GPHN: variants seen among roughly 807,000 people sequenced by gnomAD.
GPHN encodes the protein gephyrin.
In GPHN, 17 loss-of-function variants were observed where a neutral mutation model predicts 95.5. That is an observed-to-expected ratio of 0.18 (90% CI 0.12 to 0.27). The LOEUF (loss-of-function observed/expected upper bound fraction) is 0.27. Ranked by LOEUF, GPHN falls within the 10% of genes least tolerant of loss-of-function variation. GPHN has a pLI of 1.00. For synonymous variants in GPHN, 320 were observed against 322.5 expected (o/e 0.99, Z 0.08); for missense variants, 660 against 978.1 (o/e 0.67, Z 4.34).
chr14:67,684,978 A>G, the GPHN span: 1 of 1,549,890 alleles, frequency 6.5e-7, no homozygotes, highest in East Asian at 2.3e-5. Context: ...TCCTTTGAGC[A>G]ATAAATCTCA....
At chr14:67,692,886 G>A in the GPHN span, 2 of 1,232,092 alleles carry the variant, frequency 1.6e-6, no homozygotes, top group South Asian at 1.3e-5. Context: ...ATTACTGTGA[G>A]GGGTAAAACA....
In GPHN at chr14:66,974,904, C is replaced by CT. The variant is rs552705803; in HGVS notation, c.963+9580dup. Reference sequence around the variant, plus strand: ...ACTTCACCTCTATAACCTTAATTATCTCATCTGTAAAATGAAAAATAATGA... The same window carrying CT: ...ACTTCACCTCTATAACCTTAATTATCTTCATCTGTAAAATGAAAAATAATGA... On this transcript the variant is annotated intron_variant, in intron 9 of 22. Coordinates refer to ENST00000478722, the MANE Select transcript of GPHN (RefSeq NM_020806.5). 9.9e-5 allele frequency among the ~76,000 whole-genome samples: 15 copies of CT among 152,182 alleles called. No homozygotes were observed. The South Asian group carries it at 3.1e-3, about 32-fold the overall frequency.
At chr14:67,317,804 C>T in the GPHN span, among the ~76,000 whole-genome samples, 1 of 152,200 alleles carries the variant, frequency 6.6e-6, no homozygotes, top group African/African-American at 2.4e-5. Flanking sequence ...TAGCTCATGT[C>T]ACAGAAGCAA....
the GPHN span, among the ~76,000 whole-genome samples, chr14:67,265,902 A>G: frequency 1.3e-5 from 2 of 151,748 alleles, no homozygotes. Context: ...AACCCAGGAC[A>G]TTTGCACTTG....
chr14:67,338,587 G>A, the GPHN span: 20 of 1,603,290 alleles, frequency 1.2e-5, no homozygotes, highest in Non-Finnish European at 1.4e-5. Context: ...TGAAGCCAGT[G>A]TTAGGGTTTC....
the GPHN span, chr14:67,600,379 T>C: frequency 3.6e-5 from 20 of 556,398 alleles, no homozygotes; most frequent in Non-Finnish European, 2.1e-5. Flanking sequence ...TGTGCGTTCT[T>C]CCGGGCCGGC....
the GPHN span, among the ~76,000 whole-genome samples, chr14:67,491,723 A>G: frequency 6.6e-6 from 1 of 152,156 alleles, no homozygotes; most frequent in Non-Finnish European, 1.5e-5. Flanking sequence ...CAGAACAACC[A>G]CTTTTACTTA....
intron 1 of GPHN, among the ~76,000 whole-genome samples, chr14:66,639,330 G>T (rs892033002): frequency 2.6e-5 from 4 of 152,070 alleles, no homozygotes; most frequent in African/African-American, 4.8e-5. Context: ...TTTTGATGAT[G>T]TCAGTTCAAG....
At chr14:67,487,454 G>A in the GPHN span, among the ~76,000 whole-genome samples, 1 of 152,140 alleles carries the variant, frequency 6.6e-6, no homozygotes, top group Non-Finnish European at 1.5e-5. Flanking sequence ...ATCTGAGAGG[G>A]GATATAATTT....
chr14:67,316,760 T>C, the GPHN span: 7 of 1,264,996 alleles, frequency 5.5e-6, no homozygotes, highest in Non-Finnish European at 6.6e-6. Flanking sequence ...TGTTTTCCCT[T>C]CTTGATTAAA....
intron 1 of GPHN, among the ~76,000 whole-genome samples, chr14:66,577,050 C>T (rs761593690): frequency 8.5e-5 from 13 of 152,102 alleles, no homozygotes; most frequent in Non-Finnish European, 1.6e-4. Context: ...TCTATAGCAG[C>T]GCATCTGTAA....
chr14:67,180,705 C>A, intron 22 of GPHN, 99 bp from the exon 23 acceptor site: 1 of 1,164,434 alleles, frequency 8.6e-7, no homozygotes, highest in Non-Finnish European at 1.3e-6. Context: ...CTCTTGAAGA[C>A]CCGCATTTCT....
chr14:66,726,777 T>C (rs2071280387), intron 2 of GPHN, among the ~76,000 whole-genome samples: 1 of 152,218 alleles, frequency 6.6e-6, no homozygotes, highest in Non-Finnish European at 1.5e-5. Context: ...ATCTGAAATT[T>C]TTGAGTGCTG....
At chr14:66,586,017 G>T (rs950753839) in intron 1 of GPHN, among the ~76,000 whole-genome samples, 5 of 151,984 alleles carry the variant, frequency 3.3e-5, no homozygotes, top group Non-Finnish European at 7.4e-5. Context: ...TTATTGTGTG[G>T]GATTCTAAGT....
chr14:67,725,550 A>C, the GPHN span, among the ~76,000 whole-genome samples: 2 of 152,216 alleles, frequency 1.3e-5, no homozygotes, highest in East Asian at 3.9e-4. Context: ...TTTCATCCTG[A>C]GAATCAACCT....
At chr14:66,649,156 A>T (rs528653099) in intron 1 of GPHN, among the ~76,000 whole-genome samples, 19 of 152,188 alleles carry the variant, frequency 1.2e-4, no homozygotes, top group Non-Finnish European at 1.8e-4. Context: ...ACATGGTGAA[A>T]CCCTGTGTCT....
the GPHN span, chr14:67,385,455 AAC>A: frequency 3.5e-5 from 5 of 143,090 alleles, no homozygotes; most frequent in East Asian, 8.7e-4. Flanking sequence ...AAAAAAAAAA[AAC>A]CAAAAATCTT....
At chr14:66,710,780 T>C (rs1347986101) in intron 2 of GPHN, among the ~76,000 whole-genome samples, 1 of 152,222 alleles carries the variant, frequency 6.6e-6, no homozygotes, top group Non-Finnish European at 1.5e-5. Context: ...TGTGCCTCAC[T>C]TTCTACATCT....
intron 4 of GPHN, among the ~76,000 whole-genome samples, chr14:66,840,954 T>A (rs1195980404): frequency 6.8e-6 from 1 of 147,954 alleles, no homozygotes; most frequent in Non-Finnish European, 1.5e-5. Context: ...CTCAAATATG[T>A]ACTTAAAGCC....
Sources: gnomAD v4.1 joint callset for allele counts (sites outside exome capture counted in the v4.1 genomes callset) on GRCh38, gnomAD v4.1.1 for gene constraint, MANE v1.5 for transcripts, NCBI Gene and HGNC (gene_info 2026-07-23, HGNC 2026-07-21) for gene names.